EPB41L5: variants seen among roughly 807,000 people sequenced by gnomAD.
The protein encoded by EPB41L5 is erythrocyte membrane protein band 4.1 like 5, also known as band 4.1-like protein 5.
Under a neutral mutation model 106.6 loss-of-function variants are expected in EPB41L5, and 55 were observed. The observed-to-expected ratio is 0.52, with a 90% CI of 0.42 to 0.65. EPB41L5 has a LOEUF of 0.65. Among genes scored for constraint, EPB41L5 ranks in the 30% least tolerant of loss-of-function variants. The pLI is 0.00. For missense variants in EPB41L5, 871 were observed against 882.1 expected (o/e 0.99, Z 0.16); for synonymous variants, 297 against 306.7 (o/e 0.97, Z 0.33).
chr2:120,077,143 A>G, intron 8 of EPB41L5, 52 bp downstream of exon 8: 3 of 1,592,322 alleles, frequency 1.9e-6, no homozygotes, highest in Non-Finnish European at 1.7e-6. Flanking sequence ...CAGTTATTTC[A>G]TATTCATTTT....
intron 2 of EPB41L5, 112 bp downstream of exon 2, chr2:120,019,376 G>A: frequency 1.0e-6 from 1 of 955,604 alleles, no homozygotes; most frequent in Non-Finnish European, 1.5e-6. Flanking sequence ...AGGTATTATG[G>A]GTTAGTATAG....
chr2:120,044,447 C>T (rs1679633890), intron 3 of EPB41L5, among the ~76,000 whole-genome samples: 2 of 152,116 alleles, frequency 1.3e-5, no homozygotes, highest in South Asian at 4.1e-4. Flanking sequence ...ATTCAGCTTT[C>T]ACTTCTAGAA....
intron 3 of EPB41L5, among the ~76,000 whole-genome samples, chr2:120,061,217 T>C (rs1681038328): frequency 7.3e-6 from 1 of 136,098 alleles, no homozygotes; most frequent in African/African-American, 2.6e-5. Context: ...ATTTTTTGTA[T>C]TTTTTTTTTT....
intron 10 of EPB41L5, among the ~76,000 whole-genome samples, chr2:120,079,216 AC>A (rs1046441760): frequency 1.3e-5 from 2 of 152,108 alleles, no homozygotes; most frequent in African/African-American, 4.8e-5. Context: ...TAGCGCAAAG[AC>A]CTCTGGCATC....
chr2:120,074,842 TAAC>T (rs1682119132), intron 5 of EPB41L5, among the ~76,000 whole-genome samples: 2 of 152,276 alleles, frequency 1.3e-5, no homozygotes, highest in East Asian at 3.9e-4. Flanking sequence ...TCCCTTCACA[TAAC>T]AAGTAGATGT....
intron 10 of EPB41L5, among the ~76,000 whole-genome samples, chr2:120,084,920 G>T (rs542075193): frequency 1.3e-5 from 2 of 152,234 alleles, no homozygotes; most frequent in South Asian, 4.1e-4. Context: ...GATCAAATCA[G>T]CTACTGAAGC....
chr2:120,061,425 G>A (rs1041367900), intron 3 of EPB41L5, among the ~76,000 whole-genome samples: 3 of 151,328 alleles, frequency 2.0e-5, no homozygotes, highest in Admixed American at 6.6e-5. Flanking sequence ...GGGTTTCACC[G>A]TTTTAGCCGG....
At chr2:120,140,504 C>T (rs557940024) in intron 18 of EPB41L5, among the ~76,000 whole-genome samples, 110 of 152,040 alleles carry the variant, frequency 7.2e-4, no homozygotes, top group Middle Eastern at 3.4e-3. Context: ...TAATAAAGGA[C>T]ATGTGACTAC....
At chr2:120,147,265 C>G (rs1306959286) in intron 20 of EPB41L5, among the ~76,000 whole-genome samples, 1 of 152,182 alleles carries the variant, frequency 6.6e-6, no homozygotes, top group Non-Finnish European at 1.5e-5. Context: ...GGGACAATCT[C>G]GTGAGCCCAG....
rs570564489 is a variant in EPB41L5 at position 120,057,615 on chromosome 2, G to A, written c.285+15505G>A. 6.6e-5 allele frequency among the ~76,000 whole-genome samples: 10 copies of A among 151,436 alleles called. 1 individual carries two copies. The South Asian group carries it at 1.5e-3, about 22-fold the overall frequency. Reference sequence around the variant, plus strand: ...CTGTTTAAATCTTTAAGACAGTTACGCCGTCAAACATTTATAATCTCTTTT... The same window carrying A: ...CTGTTTAAATCTTTAAGACAGTTACACCGTCAAACATTTATAATCTCTTTT... On this transcript the variant is annotated intron_variant, in intron 3 of 24. Transcript: ENST00000263713.
chr2:120,082,759 A>G (rs1682766514), intron 10 of EPB41L5, among the ~76,000 whole-genome samples: 1 of 152,122 alleles, frequency 6.6e-6, no homozygotes, highest in African/African-American at 2.4e-5. Context: ...TTGGTAGACT[A>G]TTAATTATTG....
intron 3 of EPB41L5, among the ~76,000 whole-genome samples, chr2:120,054,863 C>T (rs12476491): frequency 0.69 from 99,664 of 144,492 alleles, 36,062 homozygotes; most frequent in Non-Finnish European, 0.79. Flanking sequence ...TACATATATA[C>T]ACTTTTTTTT....
chr2:120,049,792 T>C (rs1444858816), intron 3 of EPB41L5, among the ~76,000 whole-genome samples: 1 of 152,208 alleles, frequency 6.6e-6, no homozygotes, highest in Non-Finnish European at 1.5e-5. Flanking sequence ...GGTTTTGCAG[T>C]GGCTGGTACC....
chr2:120,032,581 C>T (rs1678788276), intron 2 of EPB41L5, among the ~76,000 whole-genome samples: 1 of 152,198 alleles, frequency 6.6e-6, no homozygotes, highest in Non-Finnish European at 1.5e-5. Flanking sequence ...TTGGCAGCTT[C>T]TGTCACTTCG....
At chr2:120,059,332 A>G (rs1450961567) in intron 3 of EPB41L5, among the ~76,000 whole-genome samples, 2 of 152,194 alleles carry the variant, frequency 1.3e-5, no homozygotes, top group Non-Finnish European at 2.9e-5. Flanking sequence ...AATTAACTCA[A>G]AATGGATAAT....
intron 14 of EPB41L5, among the ~76,000 whole-genome samples, chr2:120,099,343 G>GTTT (rs1352044235): frequency 4.2e-4 from 16 of 38,502 alleles, no homozygotes; most frequent in Non-Finnish European, 8.4e-4. Flanking sequence ...GTAGTTTCTG[G>GTTT]GTTTTTTTTT....
Position 120,175,440 on chromosome 2 carries a change from TTAC to T in EPB41L5, c.*534_*536del, listed in dbSNP as rs1394428694. 2 of 153,712 alleles carry T rather than the reference TTAC, an allele frequency of 1.3e-5. No homozygotes were observed. Among genetic ancestry groups the T allele is most frequent in the Non-Finnish European group, 2.9e-5 (2 of 69,022 alleles). 9.5% of individuals were successfully genotyped at this position (153,712 alleles called of 1,614,324 possible). A position where few individuals can be genotyped will look rare whatever the true frequency, so the allele number is the denominator to read the frequency against. On this transcript the variant is annotated 3_prime_UTR_variant, in exon 25 of 25. Coordinates refer to ENST00000263713, the MANE Select transcript of EPB41L5 (RefSeq NM_020909.4). Reference sequence around the variant, plus strand: ...CAACTTTTTTTTTTTTTTACAATTATTACAACACTAAAGAGAAGTTTAGAATAT... The same window carrying T: ...CAACTTTTTTTTTTTTTTACAATTATAACACTAAAGAGAAGTTTAGAATAT...
chr2:120,053,690 C>CTA (rs1680440953), intron 3 of EPB41L5, among the ~76,000 whole-genome samples: 2 of 152,106 alleles, frequency 1.3e-5, no homozygotes, highest in Non-Finnish European at 2.9e-5. Context: ...GAATAATATT[C>CTA]TATTGTATGA....
chr2:120,131,810 T>C, intron 18 of EPB41L5, 95 bp downstream of exon 18: 1 of 895,852 alleles, frequency 1.1e-6, no homozygotes, highest in Non-Finnish European at 1.8e-6. Context: ...TTTCTTTAGC[T>C]GGGAAATCTG....
Sources: allele counts gnomAD v4.1 joint callset (sites outside exome capture counted in the v4.1 genomes callset), GRCh38; gene constraint gnomAD v4.1.1; transcripts MANE v1.5; gene names NCBI Gene and HGNC (gene_info 2026-07-23, HGNC 2026-07-21).